Variants in ACOXL observed in about 807,000 individuals in gnomAD.
ACOXL encodes acyl-coenzyme A oxidase-like protein.
In ACOXL, 70 loss-of-function variants were observed where a neutral mutation model predicts 71.9. The ratio of observed to expected loss-of-function variants is 0.97; its 90% CI spans 0.80 to 1.19. The LOEUF is 1.19. Among genes scored for constraint, ACOXL ranks in the 50% most tolerant of loss-of-function variants. The pLI, the probability that ACOXL is intolerant of heterozygous loss-of-function variation, is 0.00. For synonymous variants in ACOXL, 253 were observed against 281.6 expected (o/e 0.90, Z 1.02); for missense variants, 703 against 736.3 (o/e 0.95, Z 0.52).
chr2:110,954,050 G>T (rs2149419333), intron 12 of ACOXL, among the ~76,000 whole-genome samples: 1 of 152,318 alleles, frequency 6.6e-6, no homozygotes, highest in Non-Finnish European at 1.5e-5. Context: ...TTTTGACATT[G>T]CATTATTAGA....
chr2:110,987,215 C>G lies in ACOXL; in HGVS notation c.1167C>G (p.Thr389=). 6.4e-7 allele frequency: 1 copy of G among 1,567,906 alleles called. No homozygotes were observed. The highest frequency in any genetic ancestry group is 8.7e-7 in the Non-Finnish European group (1 of 1,153,818). The change falls in exon 13 of 18, where the codon ACC becomes ACG. Residue 389 remains threonine (T), a splice_region_variant and synonymous_variant. Coordinates refer to ENST00000439055, the MANE Select transcript of ACOXL (RefSeq NM_001142807.4). Reference sequence around the variant, plus strand: ...AATCTGTGGGGGACAAGCTGAGAACCAGGTACGTATTACTCAGGCCATCAT... The same window carrying G: ...AATCTGTGGGGGACAAGCTGAGAACGAGGTACGTATTACTCAGGCCATCAT... ...WAESVGDKLR[T]SFLAFNMDTV...
At chr2:110,841,837 G>A (rs1192839169) in intron 10 of ACOXL, among the ~76,000 whole-genome samples, 3 of 152,076 alleles carry the variant, frequency 2.0e-5, no homozygotes, top group Non-Finnish European at 2.9e-5. Flanking sequence ...CCTGACAGTG[G>A]CAAAAAGCCC....
At chr2:111,047,029 T>G (rs1385916033) in intron 15 of ACOXL, among the ~76,000 whole-genome samples, 3 of 152,086 alleles carry the variant, frequency 2.0e-5, no homozygotes. Flanking sequence ...GGGAAAGTGG[T>G]GCATCCAAGG....
At chr2:111,094,711 A>C (rs1290265006) in intron 17 of ACOXL, among the ~76,000 whole-genome samples, 2 of 152,234 alleles carry the variant, frequency 1.3e-5, no homozygotes, top group African/African-American at 2.4e-5. Context: ...TGGGGGATAC[A>C]TTCAAGCCAC....
intron 12 of ACOXL, among the ~76,000 whole-genome samples, chr2:110,946,157 C>A (rs323647): frequency 0.94 from 143,898 of 152,274 alleles, 68,536 homozygotes; most frequent in East Asian, 1. Context: ...TTGTGAATAG[C>A]ACTGCCTTTC....
intron 2 of ACOXL, among the ~76,000 whole-genome samples, chr2:110,770,712 ACT>A (rs1334117668): frequency 3.6e-4 from 55 of 152,110 alleles, no homozygotes; most frequent in African/African-American, 1.3e-3. Flanking sequence ...GCTGCCAACC[ACT>A]CTCTCTGTCA....
intron 9 of ACOXL, among the ~76,000 whole-genome samples, chr2:110,819,240 G>T (rs903224975): frequency 6.6e-6 from 1 of 152,194 alleles, no homozygotes; most frequent in African/African-American, 2.4e-5. Flanking sequence ...GAAGGGATTT[G>T]GTTGCCTTGC....
At chr2:110,871,102 C>T (rs1490827955) in intron 10 of ACOXL, among the ~76,000 whole-genome samples, 2 of 152,126 alleles carry the variant, frequency 1.3e-5, no homozygotes, top group South Asian at 2.1e-4. Context: ...GAATGTGGTA[C>T]CAAGCAGGTA....
intron 12 of ACOXL, among the ~76,000 whole-genome samples, chr2:110,955,017 C>A (rs2149422796): frequency 6.6e-6 from 1 of 150,860 alleles, no homozygotes; most frequent in Non-Finnish European, 1.5e-5. Context: ...CTTTCTGTTT[C>A]TTTTTAAGTA....
intron 9 of ACOXL, among the ~76,000 whole-genome samples, chr2:110,812,302 A>G (rs1187141825): frequency 6.6e-6 from 1 of 152,184 alleles, no homozygotes; most frequent in East Asian, 1.9e-4. Context: ...AAATTTAAAC[A>G]TTTGTCCTTT....
chr2:110,864,609 C>T (rs151180591), intron 10 of ACOXL, among the ~76,000 whole-genome samples: 2 of 152,332 alleles, frequency 1.3e-5, no homozygotes, highest in African/African-American at 4.8e-5. Flanking sequence ...TGGCGATAGC[C>T]TTTCCAAGGA....
intron 11 of ACOXL, among the ~76,000 whole-genome samples, chr2:110,931,919 A>C (rs184095992): frequency 1.3e-5 from 2 of 152,340 alleles, no homozygotes; most frequent in Admixed American, 1.3e-4. Flanking sequence ...ATTTCACTTC[A>C]ATGTATTTAC....
chr2:110,921,059 T>G (rs539692293), intron 11 of ACOXL, among the ~76,000 whole-genome samples: 1 of 152,292 alleles, frequency 6.6e-6, no homozygotes, highest in South Asian at 2.1e-4. Flanking sequence ...CTTTTCAAAT[T>G]TATTTTATCT....
At chr2:111,020,561 G>A (rs17548346) in intron 14 of ACOXL, among the ~76,000 whole-genome samples, 30,807 of 152,212 alleles carry the variant, frequency 0.2, 3,968 homozygotes, top group Middle Eastern at 0.3. Flanking sequence ...TCAGGATAGC[G>A]GGAAGCCGTG....
chr2:110,821,148 G>A (rs1231385276), intron 9 of ACOXL, among the ~76,000 whole-genome samples: 1 of 152,226 alleles, frequency 6.6e-6, no homozygotes, highest in African/African-American at 2.4e-5. Context: ...TGGTTCCATG[G>A]TCGTGTGGCA....
At chr2:110,808,199 A>T (rs1253949823) in intron 9 of ACOXL, among the ~76,000 whole-genome samples, 2 of 152,104 alleles carry the variant, frequency 1.3e-5, no homozygotes, top group African/African-American at 4.8e-5. Context: ...CAGAAGGAGG[A>T]AGCTGGGCAC....
At chr2:110,833,245 G>A (rs907623500) in intron 9 of ACOXL, among the ~76,000 whole-genome samples, 13 of 152,170 alleles carry the variant, frequency 8.5e-5, no homozygotes, top group Non-Finnish European at 1.6e-4. Context: ...TCAGCAATAC[G>A]AAGGAATAAA....
At chr2:111,016,132 C>G (rs1469842310) in intron 14 of ACOXL, among the ~76,000 whole-genome samples, 1 of 151,102 alleles carries the variant, frequency 6.6e-6, no homozygotes, top group Non-Finnish European at 1.5e-5. Context: ...GTTAGGGTCT[C>G]ACTGTATTGC....
chr2:110,992,548 A>G (rs979375711), intron 13 of ACOXL, among the ~76,000 whole-genome samples: 2 of 152,190 alleles, frequency 1.3e-5, no homozygotes, highest in Non-Finnish European at 2.9e-5. Context: ...AAATCCCTCC[A>G]GTGGGCACCC....
Sources: allele counts gnomAD v4.1 joint callset (sites outside exome capture counted in the v4.1 genomes callset), GRCh38; gene constraint gnomAD v4.1.1; transcripts MANE v1.5; gene names NCBI Gene and HGNC (gene_info 2026-07-23, HGNC 2026-07-21).